SLC25A21: variants seen among roughly 807,000 people sequenced by gnomAD.
The protein encoded by SLC25A21 is solute carrier family 25 member 21.
SLC25A21 carries 47 observed loss-of-function variants against 43.8 expected under a neutral mutation model. The ratio of observed to expected loss-of-function variants is 1.07; its 90% confidence interval spans 0.85 to 1.37. SLC25A21 has a LOEUF of 1.37. Among genes scored for constraint, SLC25A21 ranks in the 40% most tolerant of loss-of-function variants. The pLI, the probability that SLC25A21 is intolerant of heterozygous loss-of-function variation, is 0.00. For synonymous variants in SLC25A21, 131 were observed against 121.3 expected (o/e 1.08, Z -0.52); for missense variants, 352 against 350.2 (o/e 1.00, Z -0.04).
chr14:37,030,594 A>G (rs1961190535), intron 1 of SLC25A21, among the ~76,000 whole-genome samples: 1 of 152,190 alleles, frequency 6.6e-6, no homozygotes, highest in Non-Finnish European at 1.5e-5. Context: ...ATACCTTGCT[A>G]GTTCCTTCTT....
intron 3 of SLC25A21, among the ~76,000 whole-genome samples, chr14:36,772,555 G>A (rs1438794364): frequency 1.3e-5 from 2 of 152,152 alleles, no homozygotes; most frequent in Non-Finnish European, 2.9e-5. Context: ...GTGCTTATGT[G>A]AAGAGCAGAG....
chr14:36,895,402 A>T lies in SLC25A21; in HGVS notation c.71-20398T>A, dbSNP rs1231321539. On this transcript the variant is annotated intron_variant, in intron 1 of 9. Transcript: ENST00000331299. ...AGTGGTGATATCCCCTTTATCATTTATTATTGCATCTATTTGATTCTTCTC... is the reference window on the plus strand; with the variant it reads ...AGTGGTGATATCCCCTTTATCATTTTTTATTGCATCTATTTGATTCTTCTC... Among the ~76,000 whole-genome samples, 470 of 151,994 alleles carry T rather than the reference A, an allele frequency of 3.1e-3. 4 individuals are homozygous for T. The highest frequency in any genetic ancestry group is 0.011 in the African/African-American group (441 of 41,466).
intron 2 of SLC25A21, among the ~76,000 whole-genome samples, 157 bp from the exon 3 acceptor site, chr14:36,814,158 C>T (rs1888370167): frequency 6.6e-6 from 1 of 152,070 alleles, no homozygotes; most frequent in Non-Finnish European, 1.5e-5. Context: ...ATAATCTTTA[C>T]CTTATTTTCA....
At chr14:36,861,862 A>G (rs1243064974) in intron 2 of SLC25A21, among the ~76,000 whole-genome samples, 1 of 152,196 alleles carries the variant, frequency 6.6e-6, no homozygotes, top group Non-Finnish European at 1.5e-5. Context: ...TTAAAATAGG[A>G]GATTATCCAT....
intron 7 of SLC25A21, among the ~76,000 whole-genome samples, chr14:36,692,693 A>T (rs182384329): frequency 6.6e-6 from 1 of 152,316 alleles, no homozygotes; most frequent in Admixed American, 6.5e-5. Flanking sequence ...AGGATTTGTC[A>T]GCCAGTGAGG....
chr14:37,122,775 T>C (rs1017232168), intron 1 of SLC25A21, among the ~76,000 whole-genome samples: 2 of 152,212 alleles, frequency 1.3e-5, no homozygotes, highest in Admixed American at 6.5e-5. Flanking sequence ...TCACTAACAG[T>C]GGTCCAAATG....
chr14:37,117,683 C>T (rs1410882384), intron 1 of SLC25A21, among the ~76,000 whole-genome samples: 2 of 152,068 alleles, frequency 1.3e-5, no homozygotes, highest in Non-Finnish European at 2.9e-5. Flanking sequence ...AAACTGATAC[C>T]TCTCTATGAA....
intron 3 of SLC25A21, among the ~76,000 whole-genome samples, chr14:36,808,494 T>C (rs1189272847): frequency 6.6e-6 from 1 of 152,166 alleles, no homozygotes; most frequent in Admixed American, 6.5e-5. Context: ...GATTTGAGGC[T>C]AGGAATATCA....
chr14:36,695,812 G>A (rs545308936), intron 7 of SLC25A21, among the ~76,000 whole-genome samples: 7 of 152,298 alleles, frequency 4.6e-5, no homozygotes, highest in African/African-American at 1.7e-4. Context: ...TTTGGGCTGA[G>A]ACGATGGGGT....
intron 1 of SLC25A21, among the ~76,000 whole-genome samples, chr14:37,133,409 G>A (rs1284873719): frequency 6.6e-6 from 1 of 151,442 alleles, no homozygotes; most frequent in East Asian, 1.9e-4. Flanking sequence ...TTCCCAAATC[G>A]AATCTACCAC....
At chr14:36,750,268 C>G (rs546453886) in intron 3 of SLC25A21, among the ~76,000 whole-genome samples, 1 of 152,264 alleles carries the variant, frequency 6.6e-6, no homozygotes, top group African/African-American at 2.4e-5. Flanking sequence ...GGCATTTGAT[C>G]TAGTGAACAA....
At chr14:36,934,149 G>A (rs528638555) in intron 1 of SLC25A21, among the ~76,000 whole-genome samples, 1 of 152,198 alleles carries the variant, frequency 6.6e-6, no homozygotes, top group Non-Finnish European at 1.5e-5. Flanking sequence ...AATTGTTTTA[G>A]AAAGAAGTTT....
In SLC25A21 at chr14:36,881,023, T is replaced by C. The variant is rs537793261; in HGVS notation, c.71-6019A>G. 2.0e-5 allele frequency among the ~76,000 whole-genome samples: 3 copies of C among 152,258 alleles called. No individual in the cohort carries two copies. In the South Asian group the frequency reaches 6.2e-4, roughly 32 times the overall value. Reference sequence around the variant, plus strand: ...AGGCTTTACATGTAAAGGGAAGACATTGAGCAGAAAATAGCAATACGCATA... The same window carrying C: ...AGGCTTTACATGTAAAGGGAAGACACTGAGCAGAAAATAGCAATACGCATA... On this transcript the variant is annotated intron_variant, in intron 1 of 9. Transcript: ENST00000331299.
chr14:36,818,032 G>T (rs371057626), intron 2 of SLC25A21, among the ~76,000 whole-genome samples: 1 of 152,126 alleles, frequency 6.6e-6, no homozygotes, highest in East Asian at 1.9e-4. Context: ...GGCTTACAAA[G>T]AAATAAGAAA....
At chr14:37,010,607 G>T (rs1594750944) in intron 1 of SLC25A21, among the ~76,000 whole-genome samples, 2 of 152,140 alleles carry the variant, frequency 1.3e-5, no homozygotes. Flanking sequence ...AGGGGTCAGA[G>T]GAGTCTACCA....
chr14:37,000,679 T>A (rs1329406769), intron 1 of SLC25A21, among the ~76,000 whole-genome samples: 2 of 152,202 alleles, frequency 1.3e-5, no homozygotes, highest in Non-Finnish European at 2.9e-5. Context: ...TCCCCACATG[T>A]CAGGGGAGGG....
At chr14:37,054,196 T>C (rs757576703) in intron 1 of SLC25A21, among the ~76,000 whole-genome samples, 2 of 152,186 alleles carry the variant, frequency 1.3e-5, no homozygotes, top group Non-Finnish European at 2.9e-5. Flanking sequence ...ATAGTTCTAG[T>C]TGATAGTCTC....
intron 1 of SLC25A21, among the ~76,000 whole-genome samples, chr14:36,996,088 C>T (rs1486249107): frequency 1.3e-5 from 2 of 152,178 alleles, no homozygotes; most frequent in Non-Finnish European, 2.9e-5. Context: ...TACTACCTCT[C>T]CAACTATTCT....
chr14:37,078,091 T>C (rs542661758), intron 1 of SLC25A21, among the ~76,000 whole-genome samples: 2 of 152,342 alleles, frequency 1.3e-5, no homozygotes, highest in East Asian at 3.9e-4. Flanking sequence ...TTGCTCGTCA[T>C]TCAAACACAA....
Sources: gnomAD v4.1 joint callset for allele counts (sites outside exome capture counted in the v4.1 genomes callset) on GRCh38, gnomAD v4.1.1 for gene constraint, MANE v1.5 for transcripts, NCBI Gene and HGNC (gene_info 2026-07-23, HGNC 2026-07-21) for gene names.